ZC3H7A: variants seen among roughly 807,000 people sequenced by gnomAD.
The protein encoded by ZC3H7A is zinc finger CCCH-type containing 7A, also known as zinc finger CCCH domain-containing protein 7A.
A neutral mutation model predicts 125.5 loss-of-function variants in ZC3H7A; 44 were observed. The observed-to-expected ratio is 0.35, with a 90% CI of 0.28 to 0.45. The LOEUF is 0.45. Among genes scored for constraint, ZC3H7A ranks in the 20% least tolerant of loss-of-function variants. The pLI is 1.00. For missense variants in ZC3H7A, 977 were observed against 1,170.7 expected, an observed-to-expected ratio of 0.83 and a Z score of 2.41; for synonymous variants, 399 against 391.2, an observed-to-expected ratio of 1.02 and a Z score of -0.23.
intron 1 of ZC3H7A, among the ~76,000 whole-genome samples, chr16:11,789,101 T>A (rs530368864): frequency 6.6e-6 from 1 of 152,302 alleles, no homozygotes; most frequent in Admixed American, 6.5e-5. Flanking sequence ...ATTATACTAA[T>A]GTCAATTTCC....
Position 11,779,367 on chromosome 16 carries a change from A to T in ZC3H7A, c.109-4T>A, listed in dbSNP as rs2141205976. ...TCACGAGAGCACGCAAATATACCTA[A>T]AAAAAAGAAAGTTACCACTTGAAGC... On this transcript the variant is annotated splice_polypyrimidine_tract_variant and splice_region_variant and intron_variant, in intron 3 of 22. Coordinates refer to ENST00000355758, the MANE Select transcript of ZC3H7A (RefSeq NM_014153.4). 10 of 1,604,688 alleles carry T rather than the reference A, an allele frequency of 6.2e-6. No individual in the cohort carries two copies. Among genetic ancestry groups the T allele is most frequent in the Non-Finnish European group, 8.5e-6 (10 of 1,177,618 alleles).
Position 11,751,418 on chromosome 16 carries a change from C to T in ZC3H7A, c.2815G>A (p.Ala939Thr), listed in dbSNP as rs1188188377. 2 of 1,614,164 alleles carry T rather than the reference C, an allele frequency of 1.2e-6. No homozygotes were observed. The highest frequency in any genetic ancestry group is 1.7e-6 in the Non-Finnish European group (2 of 1,180,022). The change falls in exon 23 of 23, where the codon GCC (alanine) becomes ACC (threonine). Residue 939 changes from alanine to threonine, a missense_variant. Transcript: ENST00000355758. ...ELHEWEERRD[A>T]LKMKLNKARK... ...GCTTTGTTGAGCTTCATCTTTAGGGCATCTCTTCTTTCTTCCCATTCATGA... is the reference window on the plus strand; with the variant it reads ...GCTTTGTTGAGCTTCATCTTTAGGGTATCTCTTCTTTCTTCCCATTCATGA...
At chr16:11,791,284 G>A (rs955066549) in intron 1 of ZC3H7A, among the ~76,000 whole-genome samples, 9 of 151,866 alleles carry the variant, frequency 5.9e-5, no homozygotes, top group African/African-American at 2.2e-4. Flanking sequence ...CCGTCACACT[G>A]ACCTTTTAAG....
At chr16:11,769,119 C>G (rs1436716188) in intron 10 of ZC3H7A, 24 bp from the exon 11 acceptor site, 1 of 1,589,794 alleles carries the variant, frequency 6.3e-7, no homozygotes. Flanking sequence ...AAAACTTCAA[C>G]AGACCTTTTC....
intron 8 of ZC3H7A, among the ~76,000 whole-genome samples, 160 bp from the exon 9 acceptor site, chr16:11,774,679 C>T (rs539948899): frequency 2.0e-5 from 3 of 152,294 alleles, no homozygotes; most frequent in South Asian, 2.1e-4. Flanking sequence ...GATACAGTCA[C>T]GTGTGAAAAC....
chr16:11,759,089 T>C (rs2052699285), intron 19 of ZC3H7A: 1 of 152,408 alleles, frequency 6.6e-6, no homozygotes, highest in Admixed American at 6.5e-5. Context: ...GTTACACAGC[T>C]TTCAAATAAT....
chr16:11,770,509 C>T (rs886514711), intron 10 of ZC3H7A, among the ~76,000 whole-genome samples: 1 of 152,124 alleles, frequency 6.6e-6, no homozygotes, highest in Non-Finnish European at 1.5e-5. Flanking sequence ...GTCATTTCAC[C>T]CCCAAAACAA....
chr16:11,769,152 A>T, intron 10 of ZC3H7A, 57 bp from the exon 11 acceptor site: 1 of 1,472,384 alleles, frequency 6.8e-7, no homozygotes, highest in Non-Finnish European at 9.3e-7. Flanking sequence ...TAATAAGAAC[A>T]TCAGGGCTTA....
In ZC3H7A at chr16:11,774,505, T is replaced by C; in HGVS notation, c.634A>G (p.Arg212Gly). The C allele has an allele frequency of 6.5e-7, 1 of 1,542,254 alleles. No individual in the cohort carries two copies. The highest frequency in any genetic ancestry group is 8.7e-7 in the Non-Finnish European group (1 of 1,143,746). The change falls in exon 9 of 23, where the codon AGG becomes GGG. Residue 212 changes from arginine (R) to glycine (G), a missense_variant. By Grantham distance (125) the Arg-to-Gly change is moderately radical (BLOSUM62 -2). This residue lies in a region of ZC3H7A where 199 missense variants were observed against 256.1 expected (regional missense o/e 0.78). Coordinates refer to ENST00000355758, the MANE Select transcript of ZC3H7A (RefSeq NM_014153.4). Reference sequence around the variant, plus strand: ...GAGACAACAGGAACTGCTTCTTGCCTTGGAGTTAATAAATCTGTAACACAG... The same window carrying C: ...GAGACAACAGGAACTGCTTCTTGCCCTGGAGTTAATAAATCTGTAACACAG... ...EDIEPDLLTPRQEAVPVVSLP... is the reference protein window; with the variant it reads ...EDIEPDLLTPGQEAVPVVSLP...
chr16:11,756,104 A>G lies in ZC3H7A; in HGVS notation c.2562+133T>C, dbSNP rs2052642657. ...CTTGAACCAGGGAGGCGGAGGTTGC[A>G]GTGAGCTGAAATCACACCACTGCAC... On this transcript the variant is annotated intron_variant, in intron 21 of 22. Transcript: ENST00000355758. The G allele has an allele frequency of 8.6e-6, 11 of 1,283,530 alleles. No individual in the cohort carries two copies. In the South Asian group the frequency reaches 1.7e-4, roughly 20 times the overall value. 79.5% of individuals were successfully genotyped at this position (1,283,530 alleles called of 1,614,324 possible).
At chr16:11,782,450 C>A (rs1033413901) in intron 1 of ZC3H7A, 62 bp from the exon 2 acceptor site, 2 of 1,369,230 alleles carry the variant, frequency 1.5e-6, no homozygotes, top group South Asian at 1.2e-5. Flanking sequence ...CCAATGAAAA[C>A]ACCCACAAAT....
chr16:11,788,355 C>G (rs1040107843), intron 1 of ZC3H7A, among the ~76,000 whole-genome samples: 1 of 151,906 alleles, frequency 6.6e-6, no homozygotes, highest in Non-Finnish European at 1.5e-5. Context: ...ATGTCAAATG[C>G]CCTCATCTAG....
chr16:11,770,775 G>A lies in ZC3H7A; in HGVS notation c.1108+8C>T, dbSNP rs777112647. On this transcript the variant is annotated splice_region_variant and intron_variant, in intron 10 of 22. Coordinates refer to ENST00000355758, the MANE Select transcript of ZC3H7A (RefSeq NM_014153.4). ...TGCAATTGTTTACAATTTAGATTTG[G>A]TTCTTACCTCGTTTGGATTCACTCA... 1.9e-6 allele frequency: 3 copies of A among 1,604,070 alleles called. No individual in the cohort carries two copies. In the South Asian group the frequency reaches 3.4e-5, roughly 18 times the overall value.
In ZC3H7A at chr16:11,776,289, A is replaced by T. The variant is rs28570126; in HGVS notation, c.585+31T>A. Reference sequence around the variant, plus strand: ...GCTCCCATCCTTCCCTTTAAAAAAAAATATAATTTTGACAGAAAAAATAAC... The same window carrying T: ...GCTCCCATCCTTCCCTTTAAAAAAATATATAATTTTGACAGAAAAAATAAC... On this transcript the variant is annotated intron_variant, in intron 7 of 22. Transcript: ENST00000355758. 6.4e-3 allele frequency: 10,094 copies of T among 1,582,324 alleles called. 596 individuals carry two copies. In the African/African-American group the frequency reaches 0.13, roughly 20 times the overall value.
At chr16:11,779,936 T>C (rs532201665) in intron 3 of ZC3H7A, among the ~76,000 whole-genome samples, 2 of 152,242 alleles carry the variant, frequency 1.3e-5, no homozygotes, top group Non-Finnish European at 2.9e-5. Context: ...GTTGAACTAT[T>C]CCACATTTTT....
At chr16:11,760,140 A>AAAAAAAAAAAAAC (rs1567374789) in intron 19 of ZC3H7A, among the ~76,000 whole-genome samples, 1 of 149,598 alleles carries the variant, frequency 6.7e-6, no homozygotes, top group East Asian at 1.9e-4. Flanking sequence ...AAAAAAAAAA[A>AAAAAAAAAAAAAC]AAAAAGAAAA....
intron 1 of ZC3H7A, among the ~76,000 whole-genome samples, chr16:11,786,214 G>C (rs1057161378): frequency 1.3e-5 from 2 of 152,174 alleles, no homozygotes; most frequent in African/African-American, 2.4e-5. Context: ...GTTTGTTTTA[G>C]CTAAAACAGG....
intron 15 of ZC3H7A, among the ~76,000 whole-genome samples, chr16:11,764,299 A>G (rs2052815113): frequency 6.6e-6 from 1 of 152,170 alleles, no homozygotes. Context: ...CTATAATCCC[A>G]GCACTTTGGG....
At chr16:11,772,490 A>G (rs958394614) in intron 9 of ZC3H7A, among the ~76,000 whole-genome samples, 1 of 151,834 alleles carries the variant, frequency 6.6e-6, no homozygotes, top group Non-Finnish European at 1.5e-5. Flanking sequence ...ACCATCATAC[A>G]GATGAGGAAA....
Sources: gnomAD v4.1 joint callset for allele counts (sites outside exome capture counted in the v4.1 genomes callset) on GRCh38, gnomAD v4.1.1 for gene constraint, gnomAD v4.1.1 regional missense constraint, MANE v1.5 for transcripts, NCBI Gene and HGNC (gene_info 2026-07-23, HGNC 2026-07-21) for gene names.